ZNF577: variants seen among roughly 807,000 people sequenced by gnomAD.
ZNF577 encodes the protein zinc finger protein 577.
Under a neutral mutation model 13.9 loss-of-function variants are expected in ZNF577, and 14 were observed. That is an observed-to-expected ratio of 1.00 (90% CI 0.66 to 1.57). The LOEUF is 1.57. ZNF577 is among the 40% of genes most tolerant of loss of function. The pLI is 0.00. For synonymous variants in ZNF577, 203 were observed against 202.9 expected, an observed-to-expected ratio of 1.00 and a Z score of 0.00; for missense variants, 555 against 579.2, an observed-to-expected ratio of 0.96 and a Z score of 0.43.
chr19:51,819,078 A>T (rs1429586342), intron 9 of ZNF577, among the ~76,000 whole-genome samples: 1 of 152,180 alleles, frequency 6.6e-6, no homozygotes, highest in Non-Finnish European at 1.5e-5. Flanking sequence ...CTTGGATTGT[A>T]TTGGGTGGTA....
At chr19:51,848,306 T>C (rs144732208) in intron 5 of ZNF577, among the ~76,000 whole-genome samples, 1,594 of 152,162 alleles carry the variant, frequency 0.01, 27 homozygotes, top group African/African-American at 0.036. Flanking sequence ...TGAGGCCGTA[T>C]TGAAAAGCCT....
At position 51,824,747 on chromosome 19, in the gene ZNF577, G is replaced by A; in HGVS notation, c.*600-13073C>T. 6.2e-7 allele frequency: 1 copy of A among 1,613,928 alleles called. No homozygotes were observed. The highest frequency in any genetic ancestry group is 8.5e-7 in the Non-Finnish European group (1 of 1,179,962). On this transcript the variant is annotated intron_variant and NMD_transcript_variant, in intron 9 of 10. Transcript: ENST00000638827. The surrounding 1 kb of genome is among the most constrained non-coding windows in gnomAD (Gnocchi z 4.7). ...TGACTGAGGTCCCTGACTCAGCCCA[G>A]ACCAGCAACACAGACACCACTTCTG... is the stretch of plus-strand genomic sequence containing the variant.
chr19:51,846,407 C>A (rs2084351817), intron 5 of ZNF577, among the ~76,000 whole-genome samples: 2 of 152,024 alleles, frequency 1.3e-5, no homozygotes, highest in Admixed American at 1.3e-4. Flanking sequence ...GAATTAGTGA[C>A]CTTAAAAGAA....
At chr19:51,830,352 T>C (rs1311521023) in intron 9 of ZNF577, among the ~76,000 whole-genome samples, 2 of 152,178 alleles carry the variant, frequency 1.3e-5, no homozygotes, top group Admixed American at 6.5e-5. Context: ...TTACAACAAA[T>C]TTCTCTGCTC....
intron 6 of ZNF577, among the ~76,000 whole-genome samples, chr19:51,843,781 A>G (rs1271761906): frequency 6.6e-6 from 1 of 152,240 alleles, no homozygotes. Flanking sequence ...TGTGAGCACA[A>G]TTAGGTAAGG....
intron 5 of ZNF577, among the ~76,000 whole-genome samples, chr19:51,847,947 C>G (rs1020132234): frequency 6.6e-6 from 1 of 152,202 alleles, no homozygotes; most frequent in East Asian, 1.9e-4. Flanking sequence ...CATCTACAGA[C>G]GCGGATCCCG....
chr19:51,878,547 G>A, intron 3 of ZNF577, 32 bp from the exon 4 acceptor site: 1 of 1,611,504 alleles, frequency 6.2e-7, no homozygotes, highest in Non-Finnish European at 8.5e-7. Context: ...AATCTGAGGT[G>A]GATAACAATA....
chr19:51,829,772 T>C (rs894953976), intron 9 of ZNF577, among the ~76,000 whole-genome samples: 3 of 152,212 alleles, frequency 2.0e-5, no homozygotes, highest in African/African-American at 7.2e-5. Flanking sequence ...ATATGGCAAC[T>C]GCACAAGTCC....
At position 51,887,321 on chromosome 19, in the gene ZNF577, A is replaced by T. The variant is rs989884986; in HGVS notation, c.-719T>A. 3 of 152,356 alleles carry T rather than the reference A, an allele frequency of 2.0e-5. No homozygotes were observed. The highest frequency in any genetic ancestry group is 4.4e-5 in the Non-Finnish European group (3 of 68,038). 9.4% of individuals were successfully genotyped at this position (152,356 alleles called of 1,614,324 possible). ...TGTAATATGGGAATACGAAGTTGAC[A>T]AGATGTTATTAAAGACGAATAAAAT... On this transcript the variant is annotated 5_prime_UTR_variant, in exon 1 of 6. An upstream open reading frame in the 5' UTR gains an earlier in-frame stop. Transcript: ENST00000638348.
At chr19:51,878,298 T>TTATA in intron 4 of ZNF577, 91 bp downstream of exon 4, 1 of 1,345,148 alleles carries the variant, frequency 7.4e-7, no homozygotes, top group Admixed American at 2.3e-5. Flanking sequence ...TAACATATAA[T>TTATA]ACTTTAGTCT....
intron 5 of ZNF577, among the ~76,000 whole-genome samples, chr19:51,854,667 G>A (rs900425293): frequency 2.0e-5 from 3 of 151,354 alleles, no homozygotes; most frequent in Non-Finnish European, 2.9e-5. Context: ...CAGATGGACG[G>A]AATAATTTTC....
chr19:51,870,450 G>C lies in ZNF577; in HGVS notation c.*2082C>G, dbSNP rs527898707. 6.6e-6 allele frequency among the ~76,000 whole-genome samples: 1 copy of C among 152,214 alleles called. No individual in the cohort carries two copies. Among genetic ancestry groups the C allele is most frequent in the East Asian group, 1.9e-4 (1 of 5,168 alleles). On this transcript the variant is annotated 3_prime_UTR_variant, in exon 6 of 6. Transcript: ENST00000638348. ...AGAGTTCGAGGCAGCCTTTACTGTA[G>C]AGCAAATCTGAGCCACCCACAGAGG...
intron 9 of ZNF577, among the ~76,000 whole-genome samples, chr19:51,815,812 C>T (rs1045225376): frequency 2.7e-5 from 4 of 149,032 alleles, no homozygotes; most frequent in African/African-American, 9.9e-5. Context: ...CAGTGAGCAG[C>T]GATCATGCCA....
chr19:51,853,128 G>T (rs1369612582), intron 5 of ZNF577, among the ~76,000 whole-genome samples: 1 of 152,126 alleles, frequency 6.6e-6, no homozygotes, highest in Non-Finnish European at 1.5e-5. Context: ...GTAAAGACAA[G>T]GTTTCACCAT....
At chr19:51,852,312 C>T (rs1268252951) in intron 5 of ZNF577, among the ~76,000 whole-genome samples, 1 of 152,184 alleles carries the variant, frequency 6.6e-6, no homozygotes, top group East Asian at 1.9e-4. Flanking sequence ...ACAATTGCAA[C>T]CCACCTTTTC....
chr19:51,882,353 G>T (rs977221564), intron 1 of ZNF577, among the ~76,000 whole-genome samples: 4 of 151,904 alleles, frequency 2.6e-5, no homozygotes, highest in African/African-American at 9.7e-5. Context: ...TGACTGGTAA[G>T]GATAATCTGG....
At chr19:51,864,658 C>T (rs1361533719), downstream of ZNF577, among the ~76,000 whole-genome samples, 1 of 152,026 alleles carries the variant, frequency 6.6e-6, no homozygotes, top group African/African-American at 2.4e-5. Context: ...AACGGTGAAG[C>T]AAGGATGACT....
chr19:51,887,108 G>A lies in ZNF577; in HGVS notation c.-506C>T, dbSNP rs937070002. The A allele has an allele frequency of 6.6e-6, 1 of 152,104 alleles. No homozygotes were observed. Among genetic ancestry groups the A allele is most frequent in the African/African-American group, 2.4e-5 (1 of 41,418 alleles). The allele number at this position is 152,104 out of a possible 1,614,324, so 9.4% of individuals were successfully genotyped here. ...AAAAGTATTAACTATGTAGAAATAA[G>A]CATAACCAGAAATGTCCAAGATACG... On this transcript the variant is annotated 5_prime_UTR_variant, in exon 1 of 6. Transcript: ENST00000638348.
At chr19:51,884,657 A>T (rs2084914819) in intron 1 of ZNF577, among the ~76,000 whole-genome samples, 1 of 151,950 alleles carries the variant, frequency 6.6e-6, no homozygotes, top group South Asian at 2.1e-4. Context: ...AAAAAAAAAG[A>T]ATTATAGAGA....
Sources: allele counts gnomAD v4.1 joint callset (sites outside exome capture counted in the v4.1 genomes callset), GRCh38; gene constraint gnomAD v4.1.1; non-coding constraint Gnocchi (gnomAD v3.1); transcripts MANE v1.5; gene names NCBI Gene and HGNC (gene_info 2026-07-23, HGNC 2026-07-21).